The following GCN1 variants were observed in gnomAD, a reference collection of about 807,000 sequenced individuals.
The protein encoded by GCN1 is stalled ribosome sensor GCN1.
Under a neutral mutation model 288.4 loss-of-function variants are expected in GCN1, and 90 were observed. That is an observed-to-expected ratio of 0.31 (90% CI 0.26 to 0.37). GCN1 has a LOEUF of 0.37. GCN1 is among the 10% of genes least tolerant of loss of function. The probability of loss-of-function intolerance (pLI) is 1.00; values close to 1 mark genes in which losing one functional copy is unlikely to be tolerated. For missense variants in GCN1, 2,586 were observed against 3,419.9 expected (o/e 0.76, Z 6.08); for synonymous variants, 1,386 against 1,420.2 (o/e 0.98, Z 0.54).
At chr12:120,183,727 G>A (rs371401107) in intron 4 of GCN1, 50 bp from the exon 5 acceptor site, 2 of 1,090,270 alleles carry the variant, frequency 1.8e-6, no homozygotes, top group Non-Finnish European at 2.8e-6. Context: ...TCCACCTTGA[G>A]GACGAACACT....
Position 120,154,736 on chromosome 12 carries a change from G to A in GCN1, c.3701+234C>T. On this transcript the variant is annotated intron_variant, in intron 31 of 57. Transcript: ENST00000300648. Reference sequence around the variant, plus strand: ...CACATGCGGTTAGTGGCTACATCTTGGACAGTACAGCCTAGAGAGAGGTGA... The same window carrying A: ...CACATGCGGTTAGTGGCTACATCTTAGACAGTACAGCCTAGAGAGAGGTGA... 1.3e-5 allele frequency among the ~76,000 whole-genome samples: 2 copies of A among 152,210 alleles called. 1 individual carries two copies.
In GCN1 at chr12:120,155,102, TTG is replaced by T; in HGVS notation, c.3631-64_3631-63del. ...CAGATCAATGACCTGGGCACCAGGA[TTG>T]TGAGGCAGGAAACTAGCCGCAGCTA... On this transcript the variant is annotated intron_variant, in intron 30 of 57. Coordinates refer to ENST00000300648, the MANE Select transcript of GCN1 (RefSeq NM_006836.2). This position sits in a 1 kb window ranked among gnomAD's most constrained non-coding sequence, Gnocchi z 4.9. 1 of 1,541,188 alleles carries T rather than the reference TTG, an allele frequency of 6.5e-7. No individual in the cohort carries two copies. The highest frequency in any genetic ancestry group is 9.0e-7 in the Non-Finnish European group (1 of 1,113,460).
In GCN1 at chr12:120,164,720, G is replaced by A. The variant is rs1878045036; in HGVS notation, c.1614C>T (p.Ala538=). 6.2e-7 allele frequency: 1 copy of A among 1,607,882 alleles called. No homozygotes were observed. The highest frequency in any genetic ancestry group is 8.5e-7 in the Non-Finnish European group (1 of 1,174,412). ...EKFLVMASED[A]LCTVLHLTER... ...CTGTCAGATGCAACACAGTACACAG[G>A]GCTTGGAGGGAAGAAAAGGAATGGA... Residue 538 remains alanine, a splice_region_variant and synonymous_variant, in exon 17 of 58, where the codon GCC becomes GCT. Coordinates refer to ENST00000300648, the MANE Select transcript of GCN1 (RefSeq NM_006836.2).
In GCN1 at chr12:120,177,752, T is replaced by C; in HGVS notation, c.661A>G (p.Ser221Gly). The change falls in exon 8 of 58, where the codon AGC becomes GGC. Residue 221 changes from serine (S) to glycine (G), a missense_variant and splice_region_variant. Around this residue, in one of 8 missense-constraint regions of GCN1, gnomAD observed 913 missense variants for 1,107.0 expected, o/e 0.82. Coordinates refer to ENST00000300648, the MANE Select transcript of GCN1 (RefSeq NM_006836.2). ...TTCATGTAAAAGTCCAGTAGGGCGC[T>C]CTAGAGAACACAAAGCTCTGGTTAG... ...KEMDVVSQHK[S>G]ALLDFYMKNI... 6.2e-7 allele frequency: 1 copy of C among 1,608,270 alleles called. No homozygotes were observed. The highest frequency in any genetic ancestry group is 8.5e-7 in the Non-Finnish European group (1 of 1,174,634).
Position 120,138,000 on chromosome 12 carries a change from C to T in GCN1, c.6294G>A (p.Ser2098=), listed in dbSNP as rs768791966. 5 of 1,614,060 alleles carry T rather than the reference C, an allele frequency of 3.1e-6. No individual in the cohort carries two copies. The highest frequency in any genetic ancestry group is 1.1e-5 in the South Asian group (1 of 91,072). ...GGGTGAGGGCATCACCAGCCACTGA[C>T]GAAAGGAAAGCCAGCACCCGGGTGT... ...PVNTRVLAFL[S]SVAGDALTRH... The change falls in exon 48 of 58, where the codon TCG becomes TCA. Residue 2098 remains serine (S), a synonymous_variant. Transcript: ENST00000300648. This position sits in a 1 kb window ranked among gnomAD's most constrained non-coding sequence, Gnocchi z 5.2.
chr12:120,165,610 G>A (rs1451572742), intron 16 of GCN1, among the ~76,000 whole-genome samples: 1 of 151,572 alleles, frequency 6.6e-6, no homozygotes, highest in East Asian at 1.9e-4. Context: ...TGGGATTACA[G>A]AAGCCCACCA....
At chr12:120,162,238 G>A in intron 20 of GCN1, 180 bp from the exon 21 acceptor site, 2 of 601,120 alleles carry the variant, frequency 3.3e-6, no homozygotes, top group African/African-American at 1.9e-5. Context: ...ACCAAGCAGT[G>A]CTCCTCTGTC....
At position 120,134,209 on chromosome 12, in the gene GCN1, A is replaced by T; in HGVS notation, c.7317+82T>A. 1.1e-6 allele frequency: 1 copy of T among 889,682 alleles called. No homozygotes were observed. Among genetic ancestry groups the T allele is most frequent in the Admixed American group, 1.8e-5 (1 of 56,838 alleles). 55.1% of individuals were successfully genotyped at this position (889,682 alleles called of 1,614,324 possible). On this transcript the variant is annotated intron_variant, in intron 53 of 57. Coordinates refer to ENST00000300648, the MANE Select transcript of GCN1 (RefSeq NM_006836.2). The surrounding 1 kb of genome is among the most constrained non-coding windows in gnomAD (Gnocchi z 5.0). Reference sequence around the variant, plus strand: ...TTACTACTGAGCTGTACTGGTTCTAACACAAAGTGAAGAACTCAACCTAAG... The same window carrying T: ...TTACTACTGAGCTGTACTGGTTCTATCACAAAGTGAAGAACTCAACCTAAG...
intron 22 of GCN1, 22 bp downstream of exon 22, chr12:120,161,468 G>C: frequency 6.5e-7 from 1 of 1,546,628 alleles, no homozygotes; most frequent in South Asian, 1.1e-5. Context: ...GCCACCTTCC[G>C]TAAGTGCCTC....
Position 120,149,592 on chromosome 12 carries a change from G to C in GCN1, c.4546+14C>G. On this transcript the variant is annotated intron_variant, in intron 36 of 57. Transcript: ENST00000300648. ...ACAGGAAGCTGGGAAGAGAGGCAGA[G>C]CGAGTGGTCTTACCAGCTTTGGTCC... 6.4e-7 allele frequency: 1 copy of C among 1,558,024 alleles called. No homozygotes were observed. The highest frequency in any genetic ancestry group is 8.9e-7 in the Non-Finnish European group (1 of 1,129,326).
chr12:120,178,343 C>T (rs889137353), intron 7 of GCN1, among the ~76,000 whole-genome samples: 3 of 152,218 alleles, frequency 2.0e-5, no homozygotes, highest in African/African-American at 7.2e-5. Flanking sequence ...CAACACCGAG[C>T]ACAGTGCCTA....
At chr12:120,163,458 C>T (rs1877999154) in intron 18 of GCN1, among the ~76,000 whole-genome samples, 199 bp from the exon 19 acceptor site, 1 of 152,220 alleles carries the variant, frequency 6.6e-6, no homozygotes, top group Non-Finnish European at 1.5e-5. Flanking sequence ...GCACCTGTGG[C>T]TTTGCATCTA....
At position 120,142,444 on chromosome 12, in the gene GCN1, C is replaced by A; in HGVS notation, c.5829+63G>T. ...ACTTTCCCAGGCTCTGCAGACCCAGCCTTCTAGGCTCTGAAAGGAGGCACT... is the reference window on the plus strand; with the variant it reads ...ACTTTCCCAGGCTCTGCAGACCCAGACTTCTAGGCTCTGAAAGGAGGCACT... On this transcript the variant is annotated intron_variant, in intron 44 of 57. Transcript: ENST00000300648. This position sits in a 1 kb window ranked among gnomAD's most constrained non-coding sequence, Gnocchi z 4.9. 8.1e-7 allele frequency: 1 copy of A among 1,237,324 alleles called. No individual in the cohort carries two copies. The highest frequency in any genetic ancestry group is 1.2e-6 in the Non-Finnish European group (1 of 840,662). The allele number at this position is 1,237,324 out of a possible 1,614,324, so 76.6% of individuals were successfully genotyped here. A position where few individuals can be genotyped will look rare whatever the true frequency, so the allele number is the denominator to read the frequency against.
chr12:120,137,424 C>A lies in GCN1; in HGVS notation c.6664-105G>T, dbSNP rs1051188615. Reference sequence around the variant, plus strand: ...GCGGGAGTATAAACAAGACTTGCCACGAGTGGGTAAACGCCGAAGCTGAGT... The same window carrying A: ...GCGGGAGTATAAACAAGACTTGCCAAGAGTGGGTAAACGCCGAAGCTGAGT... On this transcript the variant is annotated intron_variant, in intron 49 of 57. Transcript: ENST00000300648. This position sits in a 1 kb window ranked among gnomAD's most constrained non-coding sequence, Gnocchi z 5.2. The A allele has an allele frequency of 5.7e-6, 8 of 1,402,570 alleles. No individual in the cohort carries two copies. The highest frequency in any genetic ancestry group is 1.4e-5 in the African/African-American group (1 of 70,692). 86.9% of individuals were successfully genotyped at this position (1,402,570 alleles called of 1,614,324 possible).
intron 33 of GCN1, among the ~76,000 whole-genome samples, chr12:120,152,159 A>T (rs1034334682): frequency 6.6e-6 from 1 of 152,036 alleles, no homozygotes; most frequent in African/African-American, 2.4e-5. Context: ...TCTCCTGAGT[A>T]GCTAGGAACA....
intron 31 of GCN1, among the ~76,000 whole-genome samples, chr12:120,154,459 T>C (rs1877673588): frequency 6.6e-6 from 1 of 152,212 alleles, no homozygotes; most frequent in Non-Finnish European, 1.5e-5. Flanking sequence ...CTTGCGTGTT[T>C]TGAGCCTGCT....
rs1398859149 is a variant in GCN1, at chr12:120,162,919, A to T, written c.2091T>A (p.Asp697Glu). 6.2e-7 allele frequency: 1 copy of T among 1,614,072 alleles called. No individual in the cohort carries two copies. Among genetic ancestry groups the T allele is most frequent in the Admixed American group, 1.7e-5 (1 of 59,992 alleles). ...WPALLARMKI[D>E]PEAFITRHLD... ...GGTGCCTGGTGATAAAGGCTTCAGG[A>T]TCGATCTTCATCCTGGCAAGAAGTG... Residue 697 changes from aspartate (D) to glutamate (E), a missense_variant, in exon 20 of 58, where the codon GAT becomes GAA. By Grantham distance (45) the Asp-to-Glu change is conservative (BLOSUM62 2). Coordinates refer to ENST00000300648, the MANE Select transcript of GCN1 (RefSeq NM_006836.2).
chr12:120,149,032 G>C (rs1437910054), intron 36 of GCN1, among the ~76,000 whole-genome samples: 2 of 151,168 alleles, frequency 1.3e-5, no homozygotes, highest in Non-Finnish European at 2.9e-5. Context: ...TATTGCCCAG[G>C]CTGGTCTAAA....
At chr12:120,185,553 C>T (rs544038450) in intron 2 of GCN1, among the ~76,000 whole-genome samples, 13 of 152,036 alleles carry the variant, frequency 8.6e-5, no homozygotes, top group Admixed American at 2.0e-4. Flanking sequence ...ATCATTCATA[C>T]ACATTCACTC....
Sources: gnomAD v4.1 joint callset for allele counts (sites outside exome capture counted in the v4.1 genomes callset) on GRCh38, gnomAD v4.1.1 for gene constraint, gnomAD v4.1.1 regional missense constraint, Gnocchi (gnomAD v3.1) non-coding constraint, MANE v1.5 for transcripts, NCBI Gene and HGNC (gene_info 2026-07-23, HGNC 2026-07-21) for gene names.